SNTG1: variants seen among roughly 807,000 people sequenced by gnomAD.
SNTG1 encodes the protein syntrophin gamma 1, also known as gamma-1-syntrophin.
In SNTG1, 39 loss-of-function variants were observed where a neutral mutation model predicts 74.7. The ratio of observed to expected loss-of-function variants is 0.52; its 90% CI spans 0.40 to 0.68. SNTG1 has a LOEUF of 0.68. Among genes scored for constraint, SNTG1 ranks in the 30% least tolerant of loss-of-function variants. The pLI is 0.00. For missense variants in SNTG1, 685 were observed against 609.5 expected (o/e 1.12, Z -1.30); for synonymous variants, 254 against 217.1 (o/e 1.17, Z -1.49).
chr8:50,490,653 C>T (rs1469290567), intron 8 of SNTG1: 1 of 152,254 alleles, frequency 6.6e-6, no homozygotes, highest in Non-Finnish European at 1.5e-5. Flanking sequence ...CGTAAATCCA[C>T]ATTGGAGGAA....
At chr8:50,682,198 G>A (rs994547795) in intron 15 of SNTG1, among the ~76,000 whole-genome samples, 6 of 152,152 alleles carry the variant, frequency 3.9e-5, no homozygotes, top group African/African-American at 1.2e-4. Flanking sequence ...AGGGTAAGGG[G>A]TTCTTATTCC....
intron 2 of SNTG1, among the ~76,000 whole-genome samples, chr8:50,275,700 C>A (rs969290680): frequency 6.6e-6 from 1 of 152,158 alleles, no homozygotes; most frequent in African/African-American, 2.4e-5. Flanking sequence ...TACCTTCAAG[C>A]TTCACCACAT....
rs1286032394 is a variant in SNTG1, at chr8:50,405,950, C to T, written c.162+3606C>T. ...ATTAGTCTATATATTTGTCTTTATG[C>T]CAGTAACGCACAGTTATGCCTTTTG... On this transcript the variant is annotated intron_variant, in intron 4 of 18. Coordinates refer to ENST00000642720, the MANE Select transcript of SNTG1 (RefSeq NM_018967.5). Among the ~76,000 whole-genome samples the T allele has an allele frequency of 8.5e-5, 13 of 152,122 alleles. No individual in the cohort carries two copies. In the East Asian group the frequency reaches 2.5e-3, roughly 29 times the overall value.
intron 1 of SNTG1, among the ~76,000 whole-genome samples, chr8:49,942,083 T>A (rs1165924435): frequency 3.3e-5 from 5 of 152,172 alleles, no homozygotes; most frequent in African/African-American, 9.7e-5. Flanking sequence ...AAATATAGAC[T>A]AGGACAGACC....
At chr8:50,323,880 G>T (rs945953260) in intron 2 of SNTG1, among the ~76,000 whole-genome samples, 1 of 152,102 alleles carries the variant, frequency 6.6e-6, no homozygotes, top group African/African-American at 2.4e-5. Context: ...AATTTACCAG[G>T]TGTTCTATTC....
At chr8:50,734,335 C>A (rs1278274059) in intron 17 of SNTG1, among the ~76,000 whole-genome samples, 1 of 151,552 alleles carries the variant, frequency 6.6e-6, no homozygotes, top group East Asian at 1.9e-4. Context: ...GTGACAGTAT[C>A]TTTTTCATTC....
intron 1 of SNTG1, among the ~76,000 whole-genome samples, chr8:50,002,239 G>A (rs1480147147): frequency 1.3e-5 from 2 of 152,130 alleles, no homozygotes; most frequent in African/African-American, 4.8e-5. Context: ...TCCTTCTTCA[G>A]ATACAGGACC....
intron 2 of SNTG1, among the ~76,000 whole-genome samples, chr8:50,391,311 T>A (rs997233261): frequency 1.1e-4 from 16 of 152,196 alleles, no homozygotes; most frequent in Non-Finnish European, 2.4e-4. Flanking sequence ...AGGTCTTTGC[T>A]GCATTTATTG....
intron 17 of SNTG1, among the ~76,000 whole-genome samples, chr8:50,739,096 C>T (rs1008932968): frequency 1.8e-4 from 27 of 151,996 alleles, no homozygotes; most frequent in Admixed American, 3.3e-4. Context: ...TTCTGCACAG[C>T]GAAAGAGACT....
At chr8:50,002,340 A>G (rs965153715) in intron 1 of SNTG1, among the ~76,000 whole-genome samples, 23 of 152,068 alleles carry the variant, frequency 1.5e-4, no homozygotes, top group Admixed American at 1.2e-3. Flanking sequence ...GTACCTTGTG[A>G]TCTTCTAGAA....
chr8:50,745,262 A>G (rs2095552591), intron 17 of SNTG1, among the ~76,000 whole-genome samples: 1 of 152,010 alleles, frequency 6.6e-6, no homozygotes, highest in Admixed American at 6.6e-5. Flanking sequence ...AACAAAGAAT[A>G]TATACAAATG....
intron 1 of SNTG1, among the ~76,000 whole-genome samples, chr8:49,961,511 A>G (rs558563625): frequency 7.9e-5 from 12 of 152,268 alleles, no homozygotes; most frequent in African/African-American, 2.6e-4. Flanking sequence ...AATTTTCAAT[A>G]TTGTCTTTTT....
intron 18 of SNTG1, among the ~76,000 whole-genome samples, chr8:50,769,660 C>T (rs966374309): frequency 4.0e-5 from 6 of 151,868 alleles, no homozygotes; most frequent in Non-Finnish European, 5.9e-5. Context: ...TCCTCATGCC[C>T]CAAGTAAGTT....
At chr8:50,272,631 G>A (rs962066000) in intron 2 of SNTG1, among the ~76,000 whole-genome samples, 4 of 152,162 alleles carry the variant, frequency 2.6e-5, no homozygotes, top group East Asian at 1.9e-4. Context: ...CAGGATACCC[G>A]TGGACTTTAA....
At position 50,450,956 on chromosome 8, in the gene SNTG1, T is replaced by G. The variant is rs545625190; in HGVS notation, c.363+227T>G. On this transcript the variant is annotated intron_variant, in intron 8 of 18. Coordinates refer to ENST00000642720, the MANE Select transcript of SNTG1 (RefSeq NM_018967.5). ...AATTCTTACTTAAAGATGGTCATTT[T>G]CTATGTTTTTCCAGTTTTTCTATCT... Among the ~76,000 whole-genome samples the G allele has an allele frequency of 6.6e-5, 10 of 152,316 alleles. No homozygotes were observed. The East Asian group carries it at 9.7e-4, about 15-fold the overall frequency.
At chr8:50,707,224 G>A (rs535178587) in intron 16 of SNTG1, among the ~76,000 whole-genome samples, 2 of 151,848 alleles carry the variant, frequency 1.3e-5, no homozygotes, top group African/African-American at 2.4e-5. Flanking sequence ...ACACTGCACC[G>A]AATTTATTTT....
intron 11 of SNTG1, among the ~76,000 whole-genome samples, chr8:50,541,163 G>T (rs2094343666): frequency 6.6e-6 from 1 of 151,684 alleles, no homozygotes. Flanking sequence ...TATTATCCCA[G>T]ATTGTATCAC....
intron 1 of SNTG1, among the ~76,000 whole-genome samples, chr8:50,091,305 T>C (rs186393214): frequency 1.3e-5 from 2 of 151,992 alleles, no homozygotes; most frequent in African/African-American, 4.8e-5. Flanking sequence ...TTTGTGCGTG[T>C]GGTAAGAGCA....
intron 13 of SNTG1, among the ~76,000 whole-genome samples, chr8:50,616,100 A>G (rs2094883956): frequency 6.6e-6 from 1 of 152,198 alleles, no homozygotes; most frequent in Non-Finnish European, 1.5e-5. Flanking sequence ...CATTATTAAG[A>G]GTAACTTGCT....
Sources: gnomAD v4.1 joint callset for allele counts (sites outside exome capture counted in the v4.1 genomes callset) on GRCh38, gnomAD v4.1.1 for gene constraint, MANE v1.5 for transcripts, NCBI Gene and HGNC (gene_info 2026-07-23, HGNC 2026-07-21) for gene names.